ZNF445: variants seen among roughly 807,000 people sequenced by gnomAD.
The protein encoded by ZNF445 is zinc finger protein 445, also known as zinc finger protein 168.
A neutral mutation model predicts 93.9 loss-of-function variants in ZNF445; 19 were observed. The observed-to-expected ratio is 0.20, with a 90% CI of 0.14 to 0.30. The LOEUF is 0.30. Among genes scored for constraint, ZNF445 ranks in the 10% least tolerant of loss-of-function variants. The pLI, the probability that ZNF445 is intolerant of heterozygous loss-of-function variation, is 1.00. For missense variants in ZNF445, 1,058 were observed against 1,259.4 expected (o/e 0.84, Z 2.42); for synonymous variants, 449 against 446.3 (o/e 1.01, Z -0.08).
chr3:44,454,851 G>A (rs1466597017), intron 3 of ZNF445: 1 of 487,048 alleles, frequency 2.1e-6, no homozygotes, highest in East Asian at 3.9e-5. Flanking sequence ...TTACATGTGT[G>A]AGCCACTGTG....
intron 1 of ZNF445, among the ~76,000 whole-genome samples, chr3:44,466,420 A>G: frequency 6.6e-6 from 1 of 152,192 alleles, no homozygotes; most frequent in East Asian, 1.9e-4. Flanking sequence ...TCAAATATGA[A>G]ATGGTGTTTG....
rs140972586 is a variant in ZNF445 at position 44,446,946 on chromosome 3, G to C, written c.2725C>G (p.His909Asp). The change falls in exon 8 of 8, where the codon CAT becomes GAT. Residue 909 changes from histidine to aspartate, a missense_variant. Physicochemically the swap from His to Asp is moderately conservative, Grantham distance 81. This residue lies in a region of ZNF445 where 387 missense variants were observed against 475.7 expected (regional missense o/e 0.81). Transcript: ENST00000396077. The surrounding 1 kb of genome is among the most constrained non-coding windows in gnomAD (Gnocchi z 4.2). ...QWCGKEFIGRHTLSSHQRKHT... is the reference protein window; with the variant it reads ...QWCGKEFIGRDTLSSHQRKHT... ...TTCCTCTGGTGACTGGAAAGGGTAT[G>C]TCTCCCAATGAACTCTTTCCCACAC... 2 of 1,614,116 alleles carry C rather than the reference G, an allele frequency of 1.2e-6. No individual in the cohort carries two copies. The highest frequency in any genetic ancestry group is 1.7e-6 in the Non-Finnish European group (2 of 1,180,030).
At chr3:44,472,874 T>C (rs1334915368) in intron 1 of ZNF445, among the ~76,000 whole-genome samples, 3 of 152,194 alleles carry the variant, frequency 2.0e-5, no homozygotes, top group African/African-American at 7.2e-5. Flanking sequence ...CTGGATCTTA[T>C]TCTCAGGACT....
rs1697826292 is a variant in ZNF445, at chr3:44,442,675, G to C, written c.*3900C>G. 1 of 152,208 alleles carries C rather than the reference G, an allele frequency of 6.6e-6. No homozygotes were observed. Among genetic ancestry groups the C allele is most frequent in the Admixed American group, 6.5e-5 (1 of 15,272 alleles). 9.4% of individuals were successfully genotyped at this position (152,208 alleles called of 1,614,324 possible). ...CTCCAAGGGAGTGGGGGAAAGGTGG[G>C]AAGGGTTGGAAGGAAACTGAATGTT... On this transcript the variant is annotated 3_prime_UTR_variant, in exon 8 of 8. Transcript: ENST00000396077.
At chr3:44,450,292 C>G in intron 6 of ZNF445, 155 bp downstream of exon 6, 1 of 876,984 alleles carries the variant, frequency 1.1e-6, no homozygotes, top group Non-Finnish European at 1.8e-6. Flanking sequence ...CCCCATTTTT[C>G]AAAAGAGGCT....
chr3:44,461,678 A>G (rs1170880245), intron 1 of ZNF445, among the ~76,000 whole-genome samples: 1 of 152,200 alleles, frequency 6.6e-6, no homozygotes, highest in Non-Finnish European at 1.5e-5. Flanking sequence ...CAATGGGAAA[A>G]AGTTTGAGCT....
In ZNF445 at chr3:44,434,132, G is replaced by C. The variant is rs1427846665; in HGVS notation, c.*12443C>G. On this transcript the variant is annotated 3_prime_UTR_variant, in exon 8 of 8. Coordinates refer to ENST00000396077, the MANE Select transcript of ZNF445 (RefSeq NM_181489.6). ...ACTATTGGAAAGAGAGAGAAAAAGG[G>C]CCTGGCTTGGTGGCTCACTTCTGTA... The C allele has an allele frequency of 1.3e-5, 2 of 152,094 alleles. No homozygotes were observed. Among genetic ancestry groups the C allele is most frequent in the African/African-American group, 4.8e-5 (2 of 41,388 alleles). 9.4% of individuals were successfully genotyped at this position (152,094 alleles called of 1,614,324 possible).
In ZNF445 at chr3:44,438,851, CT is replaced by C. The variant is rs1697745620; in HGVS notation, c.*7723del. 1 of 61,750 alleles carries C rather than the reference CT, an allele frequency of 1.6e-5. No homozygotes were observed. Among genetic ancestry groups the C allele is most frequent in the African/African-American group, 7.6e-5 (1 of 13,216 alleles). The allele number at this position is 61,750 out of a possible 1,614,324, so 3.8% of individuals were successfully genotyped here. On this transcript the variant is annotated 3_prime_UTR_variant, in exon 8 of 8. Coordinates refer to ENST00000396077, the MANE Select transcript of ZNF445 (RefSeq NM_181489.6). ...TGGACACAGGAAGGGGAACATCACA[CT>C]CTGGGGACTGTTGTGGGGTGGGGGG...
At chr3:44,454,787 T>C (rs1435720057) in intron 3 of ZNF445, 1 of 347,970 alleles carries the variant, frequency 2.9e-6, no homozygotes, top group South Asian at 2.8e-5. Context: ...CCAGGCTGGC[T>C]TGAACTCCTG....
chr3:44,467,447 T>C (rs1294923241), intron 1 of ZNF445, among the ~76,000 whole-genome samples: 1 of 152,142 alleles, frequency 6.6e-6, no homozygotes, highest in Admixed American at 6.5e-5. Context: ...GCCTCATACC[T>C]TGTCCACACA....
Position 44,437,351 on chromosome 3 carries a change from T to G in ZNF445, c.*9224A>C, listed in dbSNP as rs111781708. 16,927 of 152,198 alleles carry G rather than the reference T, an allele frequency of 0.11. 1,010 individuals carry two copies. The highest frequency in any genetic ancestry group is 0.19 in the Middle Eastern group (56 of 296). 9.4% of individuals were successfully genotyped at this position (152,198 alleles called of 1,614,324 possible). ...TCCTATCTCATCCCGTGACTTAGAA[T>G]GCCTTAACCGTCTGGGAATGCAGCC... On this transcript the variant is annotated 3_prime_UTR_variant, in exon 8 of 8. Transcript: ENST00000396077.
In ZNF445 at chr3:44,462,367, C is replaced by T. The variant is rs185818827; in HGVS notation, c.-268-4003G>A. Among the ~76,000 whole-genome samples, 619 of 152,294 alleles carry T rather than the reference C, an allele frequency of 4.1e-3. 3 individuals carry two copies. Among genetic ancestry groups the T allele is most frequent in the Middle Eastern group, 0.01 (3 of 294 alleles). On this transcript the variant is annotated intron_variant, in intron 1 of 7. Coordinates refer to ENST00000396077, the MANE Select transcript of ZNF445 (RefSeq NM_181489.6). ...AGGACAGGAATTTTGAGGCTCATGT[C>T]ATAGGTAGCCCTAAAAATTATCTTG...
chr3:44,472,248 T>C (rs768300278), intron 1 of ZNF445, among the ~76,000 whole-genome samples: 13 of 152,180 alleles, frequency 8.5e-5, no homozygotes, highest in Non-Finnish European at 1.3e-4. Context: ...TCTCAGGAAA[T>C]TGACACCTAC....
intron 1 of ZNF445, among the ~76,000 whole-genome samples, chr3:44,475,070 C>T (rs2125687160): frequency 1.3e-5 from 2 of 152,210 alleles, no homozygotes; most frequent in South Asian, 4.2e-4. Flanking sequence ...TGCCACTTCA[C>T]TCCAGCCTGG....
intron 1 of ZNF445, among the ~76,000 whole-genome samples, chr3:44,460,173 GA>G (rs1698091024): frequency 6.6e-6 from 1 of 152,184 alleles, no homozygotes; most frequent in African/African-American, 2.4e-5. Context: ...TAGGCCTAAA[GA>G]AAAGTGAAAC....
rs528926703 is a variant in ZNF445, at chr3:44,439,741, G to A, written c.*6834C>T. On this transcript the variant is annotated 3_prime_UTR_variant, in exon 8 of 8. Transcript: ENST00000396077. ...ACCATCACTCAAAACTGGTTCGGAT[G>A]TTGAAACTGATGACACTGCAGACAC... 2.0e-5 allele frequency: 3 copies of A among 152,354 alleles called. No individual in the cohort carries two copies. The South Asian group carries it at 6.2e-4, about 32-fold the overall frequency. The allele number at this position is 152,354 out of a possible 1,614,324, so 9.4% of individuals were successfully genotyped here. A position where few individuals can be genotyped will look rare whatever the true frequency, so the allele number is the denominator to read the frequency against.
chr3:44,466,470 A>G (rs1698196836), intron 1 of ZNF445, among the ~76,000 whole-genome samples: 1 of 152,172 alleles, frequency 6.6e-6, no homozygotes, highest in Non-Finnish European at 1.5e-5. Flanking sequence ...TGTTATTAGT[A>G]TATGTTATGA....
chr3:44,443,252 A>G lies in ZNF445; in HGVS notation c.*3323T>C, dbSNP rs1697834158. 1 of 152,242 alleles carries G rather than the reference A, an allele frequency of 6.6e-6. No individual in the cohort carries two copies. Among genetic ancestry groups the G allele is most frequent in the Non-Finnish European group, 1.5e-5 (1 of 68,058 alleles). 9.4% of individuals were successfully genotyped at this position (152,242 alleles called of 1,614,324 possible). The stretch of plus-strand genomic sequence containing the variant: ...CATTGATTCTGCCAAAATCTTTAGT[A>G]GTTAGCACCAAGTAGTCAGGCTTCT... On this transcript the variant is annotated 3_prime_UTR_variant, in exon 8 of 8. Transcript: ENST00000396077.
intron 1 of ZNF445, among the ~76,000 whole-genome samples, chr3:44,468,872 C>T (rs373469282): frequency 2.0e-5 from 3 of 152,116 alleles, no homozygotes; most frequent in South Asian, 4.1e-4. Flanking sequence ...ACAGCCGGCT[C>T]TGCGTGAATT....
Sources: allele counts gnomAD v4.1 joint callset (sites outside exome capture counted in the v4.1 genomes callset), GRCh38; gene constraint gnomAD v4.1.1; regional missense constraint gnomAD v4.1.1; non-coding constraint Gnocchi (gnomAD v3.1); transcripts MANE v1.5; gene names NCBI Gene and HGNC (gene_info 2026-07-23, HGNC 2026-07-21).